The following MACROD2 variants were observed in gnomAD, a reference collection of about 807,000 sequenced individuals.
MACROD2 encodes ADP-ribose glycohydrolase MACROD2.
A neutral mutation model predicts 70.4 loss-of-function variants in MACROD2; 36 were observed. The ratio of observed to expected loss-of-function variants is 0.51; its 90% CI spans 0.39 to 0.68. The LOEUF (loss-of-function observed/expected upper bound fraction) is 0.68. MACROD2 is among the 30% of genes least tolerant of loss of function. The pLI, the probability that MACROD2 is intolerant of heterozygous loss-of-function variation, is 0.00. For missense variants in MACROD2, 496 were observed against 538.4 expected (o/e 0.92, Z 0.78); for synonymous variants, 172 against 178.8 (o/e 0.96, Z 0.30).
chr20:14,945,025 TA>T (rs2074419424), intron 5 of MACROD2, among the ~76,000 whole-genome samples: 1 of 152,198 alleles, frequency 6.6e-6, no homozygotes, highest in Non-Finnish European at 1.5e-5. Flanking sequence ...AACCATGATT[TA>T]AAGAAAAGTT....
At chr20:14,697,729 A>G (rs1469525601) in intron 5 of MACROD2, among the ~76,000 whole-genome samples, 1 of 152,150 alleles carries the variant, frequency 6.6e-6, no homozygotes, top group African/African-American at 2.4e-5. Flanking sequence ...ATTGTTCATC[A>G]TGGTAATTAG....
At chr20:14,254,642 C>T (rs2082038629) in intron 3 of MACROD2, among the ~76,000 whole-genome samples, 1 of 151,878 alleles carries the variant, frequency 6.6e-6, no homozygotes, top group Non-Finnish European at 1.5e-5. Flanking sequence ...AGTTTTTTAC[C>T]AGTGTTGCTA....
At chr20:14,660,052 C>A (rs1332304049) in intron 4 of MACROD2, among the ~76,000 whole-genome samples, 1 of 152,122 alleles carries the variant, frequency 6.6e-6, no homozygotes, top group African/African-American at 2.4e-5. Flanking sequence ...ACATTTAATT[C>A]CCATTCACTC....
chr20:14,849,734 T>G (rs2073179279), intron 5 of MACROD2, among the ~76,000 whole-genome samples: 1 of 152,096 alleles, frequency 6.6e-6, no homozygotes, highest in Non-Finnish European at 1.5e-5. Context: ...TGAACTGAGA[T>G]TGCGCCAGTG....
chr20:15,012,169 T>A (rs572997089), intron 5 of MACROD2, among the ~76,000 whole-genome samples: 2 of 152,290 alleles, frequency 1.3e-5, no homozygotes, highest in African/African-American at 4.8e-5. Context: ...TCTTAATTGG[T>A]GGTGGGAACT....
chr20:15,893,680 A>G (rs932501), intron 10 of MACROD2: 155,415 of 456,400 alleles, frequency 0.34, 28,764 homozygotes, highest in East Asian at 0.57. Flanking sequence ...TAGCCCAAAG[A>G]CCCAGAAGCG....
At chr20:14,266,582 A>T (rs2082146078) in intron 3 of MACROD2, among the ~76,000 whole-genome samples, 1 of 152,194 alleles carries the variant, frequency 6.6e-6, no homozygotes, top group Admixed American at 6.5e-5. Context: ...AGATAAAAAA[A>T]TAGCATATGT....
chr20:15,529,215 G>A (rs189059658), intron 8 of MACROD2, among the ~76,000 whole-genome samples: 3 of 152,188 alleles, frequency 2.0e-5, no homozygotes, highest in Admixed American at 6.6e-5. Flanking sequence ...GAGAGAAAAC[G>A]AGAAAGAAAC....
intron 5 of MACROD2, among the ~76,000 whole-genome samples, chr20:14,962,014 C>CTG (rs148832027): frequency 0.016 from 2,416 of 152,122 alleles, 63 homozygotes; most frequent in African/African-American, 0.054. Flanking sequence ...GAGTCTCACT[C>CTG]TCGCTCAGAC....
intron 5 of MACROD2, among the ~76,000 whole-genome samples, chr20:15,087,678 A>T (rs1207993830): frequency 1.3e-5 from 2 of 152,030 alleles, no homozygotes; most frequent in Non-Finnish European, 2.9e-5. Context: ...ACATTGATTA[A>T]AAAGGTGCGA....
At chr20:14,528,681 C>T (rs1331946716) in intron 4 of MACROD2, among the ~76,000 whole-genome samples, 2 of 152,020 alleles carry the variant, frequency 1.3e-5, no homozygotes, top group Admixed American at 6.5e-5. Flanking sequence ...GGGGGCCCAA[C>T]ATTTCTCGAT....
At chr20:15,509,329 C>T (rs567167021) in intron 8 of MACROD2, among the ~76,000 whole-genome samples, 13 of 152,192 alleles carry the variant, frequency 8.5e-5, no homozygotes, top group African/African-American at 3.1e-4. Context: ...GTAGGAAACA[C>T]ACATTAACAG....
chr20:15,196,918 A>G (rs914853211), intron 5 of MACROD2: 114 of 985,288 alleles, frequency 1.2e-4, no homozygotes, highest in Middle Eastern at 5.2e-4. Flanking sequence ...CACATTTTGG[A>G]AAGACTACAT....
intron 4 of MACROD2, among the ~76,000 whole-genome samples, chr20:14,570,792 G>A (rs1335945958): frequency 2.6e-5 from 4 of 152,080 alleles, no homozygotes; most frequent in South Asian, 4.1e-4. Flanking sequence ...GTTTAAGATG[G>A]GGCTAGGAAT....
chr20:15,875,157 A>C (rs971120420), intron 9 of MACROD2, among the ~76,000 whole-genome samples: 2 of 152,148 alleles, frequency 1.3e-5, no homozygotes, highest in Non-Finnish European at 2.9e-5. Context: ...GTCTAGTTCA[A>C]CCCATTTGGG....
chr20:15,324,085 AT>A (rs913963147), intron 6 of MACROD2, among the ~76,000 whole-genome samples: 4 of 150,870 alleles, frequency 2.7e-5, no homozygotes, highest in East Asian at 1.9e-4. Flanking sequence ...TACTTGCCCC[AT>A]TTTTTTTTAA....
chr20:15,860,550 A>G (rs1043230633), intron 8 of MACROD2, among the ~76,000 whole-genome samples: 2 of 152,154 alleles, frequency 1.3e-5, no homozygotes, highest in Admixed American at 1.3e-4. Context: ...GAGGCTGCAC[A>G]GTCTTATTTT....
chr20:14,053,133 T>A (rs2053591111), intron 2 of MACROD2: 1 of 151,572 alleles, frequency 6.6e-6, no homozygotes, highest in African/African-American at 2.4e-5. Context: ...TTATCCCACC[T>A]TGTCTTCCAG....
chr20:15,199,882 A>G (rs1247578492), intron 5 of MACROD2, among the ~76,000 whole-genome samples: 1 of 152,224 alleles, frequency 6.6e-6, no homozygotes, highest in Non-Finnish European at 1.5e-5. Flanking sequence ...CATTAGCATC[A>G]GGGGACAGGA....
Sources: gnomAD v4.1 joint callset for allele counts (sites outside exome capture counted in the v4.1 genomes callset) on GRCh38, gnomAD v4.1.1 for gene constraint, MANE v1.5 for transcripts, NCBI Gene and HGNC (gene_info 2026-07-23, HGNC 2026-07-21) for gene names.